SEC24B: variants seen among roughly 807,000 people sequenced by gnomAD.
SEC24B encodes the protein SEC24 homolog B, COPII component.
Under a neutral mutation model 142.8 loss-of-function variants are expected in SEC24B, and 45 were observed. The observed-to-expected ratio is 0.32, with a 90% confidence interval of 0.25 to 0.40. The LOEUF (loss-of-function observed/expected upper bound fraction) is 0.40. SEC24B is among the 10% of genes least tolerant of loss of function. SEC24B has a pLI of 1.00. For missense variants in SEC24B, 1,409 were observed against 1,526.8 expected, an observed-to-expected ratio of 0.92 and a Z score of 1.29; for synonymous variants, 574 against 568.2, an observed-to-expected ratio of 1.01 and a Z score of -0.15.
intron 14 of SEC24B, among the ~76,000 whole-genome samples, chr4:109,521,892 C>T (rs908045742): frequency 8.6e-5 from 13 of 151,616 alleles, no homozygotes; most frequent in South Asian, 2.1e-4. Context: ...CCACCACACC[C>T]GGCTAATTTT....
chr4:109,508,605 A>G (rs144521430), intron 7 of SEC24B, among the ~76,000 whole-genome samples: 1 of 152,226 alleles, frequency 6.6e-6, no homozygotes, highest in Non-Finnish European at 1.5e-5. Flanking sequence ...TATGTTGCAT[A>G]TGTATAAGAG....
intron 2 of SEC24B, among the ~76,000 whole-genome samples, chr4:109,467,304 C>T (rs909550234): frequency 2.3e-5 from 3 of 130,910 alleles, no homozygotes; most frequent in East Asian, 4.3e-4. Flanking sequence ...CCAGCCTGGG[C>T]GACAGAGCGA....
chr4:109,500,219 G>T (rs1013426718), intron 6 of SEC24B, among the ~76,000 whole-genome samples: 29 of 152,080 alleles, frequency 1.9e-4, no homozygotes, highest in African/African-American at 6.8e-4. Context: ...TATTTAGATT[G>T]GTGCAAAAGT....
chr4:109,470,106 A>G (rs1732358330), intron 2 of SEC24B, among the ~76,000 whole-genome samples: 1 of 152,202 alleles, frequency 6.6e-6, no homozygotes, highest in South Asian at 2.1e-4. Context: ...ATACCAAGGA[A>G]TGGTCAGGAT....
chr4:109,513,122 C>CT (rs1737545967), intron 9 of SEC24B, among the ~76,000 whole-genome samples: 1 of 147,712 alleles, frequency 6.8e-6, no homozygotes, highest in Admixed American at 6.8e-5. Context: ...CTACAGGTGT[C>CT]TGCCACCATG....
chr4:109,442,683 G>C (rs1001670334), intron 1 of SEC24B, among the ~76,000 whole-genome samples: 1 of 152,104 alleles, frequency 6.6e-6, no homozygotes, highest in Non-Finnish European at 1.5e-5. Flanking sequence ...TGTGTCTCAG[G>C]GAGGGGGAAT....
At chr4:109,500,493 A>G (rs1331613737) in intron 6 of SEC24B, among the ~76,000 whole-genome samples, 2 of 151,160 alleles carry the variant, frequency 1.3e-5, no homozygotes, top group Non-Finnish European at 1.5e-5. Flanking sequence ...GCAGTGAGCC[A>G]AAATTGCAGC....
intron 4 of SEC24B, 127 bp from the exon 5 acceptor site, chr4:109,491,199 AT>A: frequency 1.6e-6 from 1 of 643,280 alleles, no homozygotes; most frequent in Non-Finnish European, 2.7e-6. Context: ...GACATCAATC[AT>A]TTTACTTTTT....
chr4:109,509,954 C>A, intron 7 of SEC24B, 55 bp from the exon 8 acceptor site: 1 of 1,028,290 alleles, frequency 9.7e-7, no homozygotes, highest in Non-Finnish European at 1.5e-6. Context: ...TTATCTACTT[C>A]AGTGTATTTT....
chr4:109,484,885 T>C (rs972155044), intron 4 of SEC24B, among the ~76,000 whole-genome samples: 4 of 151,836 alleles, frequency 2.6e-5, no homozygotes, highest in Non-Finnish European at 4.4e-5. Context: ...TTAGCATTTA[T>C]GGCTTTTTTC....
chr4:109,481,242 G>C, intron 3 of SEC24B, among the ~76,000 whole-genome samples: 1 of 152,144 alleles, frequency 6.6e-6, no homozygotes, highest in East Asian at 1.9e-4. Context: ...GCAGAAGGAA[G>C]GGGTACCACG....
In SEC24B at chr4:109,527,416, C is replaced by T. The variant is rs187310513; in HGVS notation, c.3060C>T (p.Cys1020=). The T allele has an allele frequency of 1.2e-4, 190 of 1,610,308 alleles. No individual in the cohort carries two copies. The African/African-American group carries it at 2.2e-3, about 19-fold the overall frequency. Residue 1020 remains cysteine, a synonymous_variant, in exon 18 of 24, where the codon TGC becomes TGT. Transcript: ENST00000265175. The part of the protein sequence containing the change: ...YAGVDVQAAI[C]LLANMAVDRS... ...GAGTGGATGTACAAGCTGCCATCTGCCTTCTGGCAAACATGGGTGAGTAAA... is the reference window on the plus strand; with the variant it reads ...GAGTGGATGTACAAGCTGCCATCTGTCTTCTGGCAAACATGGGTGAGTAAA...
At chr4:109,465,727 T>C (rs1163021293) in intron 2 of SEC24B, among the ~76,000 whole-genome samples, 1 of 152,178 alleles carries the variant, frequency 6.6e-6, no homozygotes, top group African/African-American at 2.4e-5. Flanking sequence ...ATGGGGTCAC[T>C]TGGCTAATGA....
intron 4 of SEC24B, among the ~76,000 whole-genome samples, chr4:109,482,601 C>T (rs977829967): frequency 2.6e-5 from 4 of 151,910 alleles, no homozygotes; most frequent in Admixed American, 6.6e-5. Flanking sequence ...TACACATAAA[C>T]TAAAGATAAT....
At chr4:109,478,997 T>A (rs1733455816) in intron 3 of SEC24B, among the ~76,000 whole-genome samples, 1 of 152,152 alleles carries the variant, frequency 6.6e-6, no homozygotes, top group Non-Finnish European at 1.5e-5. Flanking sequence ...AAAGCTAATC[T>A]CCACAAGAGA....
rs770550060 is a variant in SEC24B, at chr4:109,463,494, C to A, written c.727C>A (p.Leu243Ile). 1.9e-6 allele frequency: 3 copies of A among 1,614,168 alleles called. No homozygotes were observed. The highest frequency in any genetic ancestry group is 1.1e-5 in the South Asian group (1 of 91,086). The change falls in exon 2 of 24, where the codon CTA becomes ATA. Residue 243 changes from leucine to isoleucine, a missense_variant. Leu to Ile is a conservative substitution (Grantham distance 5). Coordinates refer to ENST00000265175, the MANE Select transcript of SEC24B (RefSeq NM_006323.5). Reference sequence around the variant, plus strand: ...CAGCCATCCATCGCCACTTCCACCTCTACCATCACAACAGCACCACCAGCA... The same window carrying A: ...CAGCCATCCATCGCCACTTCCACCTATACCATCACAACAGCACCACCAGCA... ...AISHPSPLPP[L>I]PSQQHHQQQS... is the part of the protein sequence containing the mutation.
chr4:109,460,792 T>G (rs1731176526), intron 1 of SEC24B, among the ~76,000 whole-genome samples: 1 of 150,806 alleles, frequency 6.6e-6, no homozygotes, highest in Admixed American at 6.6e-5. Flanking sequence ...AAGACTAATA[T>G]TAGGATTAAT....
intron 22 of SEC24B, among the ~76,000 whole-genome samples, chr4:109,538,002 G>A (rs1021836672): frequency 1.1e-4 from 16 of 151,994 alleles, no homozygotes; most frequent in South Asian, 4.1e-4. Flanking sequence ...ATAGTCTCGC[G>A]TATAGTTTTA....
At chr4:109,510,428 C>G (rs1737192957) in intron 8 of SEC24B, among the ~76,000 whole-genome samples, 1 of 152,228 alleles carries the variant, frequency 6.6e-6, no homozygotes, top group East Asian at 1.9e-4. Context: ...CTATGAGATA[C>G]TTAGGTAGTG....
Sources: allele counts gnomAD v4.1 joint callset (sites outside exome capture counted in the v4.1 genomes callset), GRCh38; gene constraint gnomAD v4.1.1; transcripts MANE v1.5; gene names NCBI Gene and HGNC (gene_info 2026-07-23, HGNC 2026-07-21).